MFHAS1: variants seen among roughly 807,000 people sequenced by gnomAD.
MFHAS1 encodes the protein multifunctional ROCO family signaling regulator 1, also known as malignant fibrous histiocytoma-amplified sequence 1.
A neutral mutation model predicts 70.4 loss-of-function variants in MFHAS1; 50 were observed. The observed-to-expected ratio is 0.71, with a 90% CI of 0.57 to 0.90. MFHAS1 has a LOEUF of 0.90. MFHAS1 is among the 40% of genes least tolerant of loss of function. MFHAS1 has a pLI of 0.00. For missense variants in MFHAS1, 1,795 were observed against 1,347.6 expected (o/e 1.33, Z -5.20); for synonymous variants, 952 against 620.0 (o/e 1.54, Z -7.96).
chr8:8,820,154 A>C (rs1387886893), intron 1 of MFHAS1, among the ~76,000 whole-genome samples: 1 of 152,194 alleles, frequency 6.6e-6, no homozygotes, highest in East Asian at 1.9e-4. Context: ...TGGTTTGAAT[A>C]AGGAAATAAA....
chr8:8,799,697 A>G (rs1011135053), intron 1 of MFHAS1, among the ~76,000 whole-genome samples: 2 of 152,254 alleles, frequency 1.3e-5, no homozygotes, highest in African/African-American at 4.8e-5. Flanking sequence ...CAGAGGTTTC[A>G]GTGAGCTGAG....
At chr8:8,804,923 T>C (rs1209881937) in intron 1 of MFHAS1, among the ~76,000 whole-genome samples, 1 of 152,230 alleles carries the variant, frequency 6.6e-6, no homozygotes, top group Non-Finnish European at 1.5e-5. Context: ...GACAGTAATG[T>C]TTGCTTGCTA....
At chr8:8,802,201 G>A (rs1806104821) in intron 1 of MFHAS1, among the ~76,000 whole-genome samples, 2 of 152,182 alleles carry the variant, frequency 1.3e-5, no homozygotes, top group South Asian at 4.1e-4. Flanking sequence ...TACAGAAGAG[G>A]AAATTGAGGC....
rs1305605576 is a variant in MFHAS1, at chr8:8,829,324, T to A, written c.2999-31833A>T. 2.0e-5 allele frequency among the ~76,000 whole-genome samples: 3 copies of A among 152,322 alleles called. No individual in the cohort carries two copies. The East Asian group carries it at 5.8e-4, about 29-fold the overall frequency. On this transcript the variant is annotated intron_variant, in intron 1 of 2. Coordinates refer to ENST00000276282, the MANE Select transcript of MFHAS1 (RefSeq NM_004225.3). ...GCAGCTCAGCACCCTGGACATCATC[T>A]TCTTCACTGCCTTTCTCACACTGTG...
intron 1 of MFHAS1, among the ~76,000 whole-genome samples, chr8:8,831,585 G>A (rs1316238193): frequency 6.6e-6 from 1 of 150,812 alleles, no homozygotes; most frequent in Non-Finnish European, 1.5e-5. Flanking sequence ...ACAGAATAGA[G>A]TTCAGAAATA....
chr8:8,803,257 T>C (rs1272419905), intron 1 of MFHAS1, among the ~76,000 whole-genome samples: 1 of 152,024 alleles, frequency 6.6e-6, no homozygotes, highest in Non-Finnish European at 1.5e-5. Context: ...ATGCCTGTAA[T>C]ACCAGCACTT....
intron 1 of MFHAS1, among the ~76,000 whole-genome samples, chr8:8,809,909 A>G (rs1179934386): frequency 6.6e-6 from 1 of 152,234 alleles, no homozygotes; most frequent in Non-Finnish European, 1.5e-5. Flanking sequence ...GACGGCATAA[A>G]AGCATTCAGA....
intron 1 of MFHAS1, among the ~76,000 whole-genome samples, chr8:8,863,731 T>G (rs1354848295): frequency 6.6e-6 from 1 of 152,210 alleles, no homozygotes; most frequent in Admixed American, 6.5e-5. Context: ...GGCCCTTACC[T>G]GTAACTGAAA....
intron 1 of MFHAS1, among the ~76,000 whole-genome samples, chr8:8,871,463 T>C (rs1367726763): frequency 6.6e-6 from 1 of 152,056 alleles, no homozygotes; most frequent in Non-Finnish European, 1.5e-5. Context: ...GGCACAAGAA[T>C]CATTTGAACC....
At chr8:8,818,017 C>T (rs1426923806) in intron 1 of MFHAS1, among the ~76,000 whole-genome samples, 2 of 152,186 alleles carry the variant, frequency 1.3e-5, no homozygotes, top group African/African-American at 4.8e-5. Flanking sequence ...CGTATCTATA[C>T]ATACATTCTC....
At position 8,832,054 on chromosome 8, in the gene MFHAS1, G is replaced by GCACACACACA. The variant is rs370279756; in HGVS notation, c.2999-34564_2999-34563insTGTGTGTGTG. Among the ~76,000 whole-genome samples, 1,040 of 112,626 alleles carry GCACACACACA rather than the reference G, an allele frequency of 9.2e-3. 14 individuals are homozygous for GCACACACACA. Among genetic ancestry groups the GCACACACACA allele is most frequent in the Middle Eastern group, 0.064 (14 of 220 alleles). The allele number at this position is 112,626 out of a possible 152,430, so 73.9% of individuals were successfully genotyped here. On this transcript the variant is annotated intron_variant, in intron 1 of 2. Transcript: ENST00000276282. ...TACTTCAAGGCGCACATGCACGCGC[G>GCACACACACA]CGCGCGCGCACACACACACACACAC... is the stretch of plus-strand genomic sequence containing the variant.
At position 8,865,553 on chromosome 8, in the gene MFHAS1, T is replaced by C. The variant is rs116696130; in HGVS notation, c.2998+24508A>G. On this transcript the variant is annotated intron_variant, in intron 1 of 2. Transcript: ENST00000276282. ...ACAGCCCTGGTGAAGTGGAATCACATAGAAAAGCAACAGATGACACTTGAC... is the reference window on the plus strand; with the variant it reads ...ACAGCCCTGGTGAAGTGGAATCACACAGAAAAGCAACAGATGACACTTGAC... Among the ~76,000 whole-genome samples, 503 of 152,256 alleles carry C rather than the reference T, an allele frequency of 3.3e-3. 2 individuals are homozygous for C. The highest frequency in any genetic ancestry group is 0.012 in the African/African-American group (481 of 41,544).
intron 1 of MFHAS1, among the ~76,000 whole-genome samples, chr8:8,823,365 A>T (rs1041235361): frequency 6.6e-6 from 1 of 152,126 alleles, no homozygotes; most frequent in Admixed American, 6.5e-5. Flanking sequence ...GCCAGAACAA[A>T]AAGAGTAAGG....
chr8:8,821,397 A>G (rs563756814), intron 1 of MFHAS1, among the ~76,000 whole-genome samples: 1 of 152,364 alleles, frequency 6.6e-6, no homozygotes, highest in South Asian at 2.1e-4. Flanking sequence ...GTAAGTATGT[A>G]CAAAGATCGA....
At position 8,785,920 on chromosome 8, in the gene MFHAS1, C is replaced by T; in HGVS notation, c.*102G>A. 1 of 1,109,060 alleles carries T rather than the reference C, an allele frequency of 9.0e-7. No homozygotes were observed. Among genetic ancestry groups the T allele is most frequent in the Non-Finnish European group, 1.3e-6 (1 of 770,498 alleles). 68.7% of individuals were successfully genotyped at this position (1,109,060 alleles called of 1,614,324 possible). A position where few individuals can be genotyped will look rare whatever the true frequency, so the allele number is the denominator to read the frequency against. ...AAGCACGCGTTGTCACTCAAGTTCA[C>T]AGAACACGCTGGGGTGAGTGCAGAG... is the stretch of plus-strand genomic sequence containing the variant. On this transcript the variant is annotated 3_prime_UTR_variant, in exon 3 of 3. Coordinates refer to ENST00000276282, the MANE Select transcript of MFHAS1 (RefSeq NM_004225.3).
intron 1 of MFHAS1, among the ~76,000 whole-genome samples, chr8:8,838,649 C>T (rs1403372404): frequency 1.3e-5 from 2 of 152,044 alleles, no homozygotes; most frequent in Non-Finnish European, 2.9e-5. Context: ...CGTGTCTCTA[C>T]TAAAAATACA....
intron 1 of MFHAS1, among the ~76,000 whole-genome samples, chr8:8,870,997 T>C (rs1809054788): frequency 6.6e-6 from 1 of 152,194 alleles, no homozygotes; most frequent in Non-Finnish European, 1.5e-5. Flanking sequence ...CTCAGCTCAT[T>C]GCAACCTCTG....
Position 8,784,592 on chromosome 8 carries a change from G to C in MFHAS1, c.*1430C>G, listed in dbSNP as rs1239691073. 6.6e-6 allele frequency: 1 copy of C among 152,136 alleles called. No homozygotes were observed. The highest frequency in any genetic ancestry group is 2.4e-5 in the African/African-American group (1 of 41,428). The allele number at this position is 152,136 out of a possible 1,614,324, so 9.4% of individuals were successfully genotyped here. ...GCTCCTTATTTCTTTTAAAAAACAT[G>C]TTGAGACTTTGTATACTGTAGCCTT... On this transcript the variant is annotated 3_prime_UTR_variant, in exon 3 of 3. Transcript: ENST00000276282.
intron 1 of MFHAS1, among the ~76,000 whole-genome samples, chr8:8,843,677 G>A (rs1021892012): frequency 1.3e-5 from 2 of 152,164 alleles, no homozygotes; most frequent in East Asian, 3.9e-4. Context: ...AAGGTGAGCA[G>A]GTCCGGTGTG....
Sources: gnomAD v4.1 joint callset for allele counts (sites outside exome capture counted in the v4.1 genomes callset) on GRCh38, gnomAD v4.1.1 for gene constraint, MANE v1.5 for transcripts, NCBI Gene and HGNC (gene_info 2026-07-23, HGNC 2026-07-21) for gene names.